TMCO6: variants seen among roughly 807,000 people sequenced by gnomAD.
TMCO6 encodes transmembrane and coiled-coil domains 6.
A neutral mutation model predicts 61.8 loss-of-function variants in TMCO6; 47 were observed. The ratio of observed to expected loss-of-function variants is 0.76; its 90% CI spans 0.60 to 0.97. The LOEUF is 0.97. Ranked by LOEUF, TMCO6 falls within the 50% of genes least tolerant of loss-of-function variation. The pLI is 0.00. For missense variants in TMCO6, 557 were observed against 601.6 expected (o/e 0.93, Z 0.78); for synonymous variants, 261 against 254.2 (o/e 1.03, Z -0.25).
In TMCO6 at chr5:140,644,624, C is replaced by A. The variant is rs759714145; in HGVS notation, c.1252C>A (p.Arg418=). ...VAEKGPAYCQ[R]LWPGPLLPAL... ...AGAAAAGGGTCCTGCTTACTGCCAG[C>A]GGCTGTGGCCAGGGCCCCTGCTTCC... The change falls in exon 11 of 12, where the codon CGG becomes AGG. Residue 418 remains arginine, a synonymous_variant. Coordinates refer to ENST00000394671, the MANE Select transcript of TMCO6 (RefSeq NM_018502.5). 6.2e-7 allele frequency: 1 copy of A among 1,614,254 alleles called. No homozygotes were observed. Among genetic ancestry groups the A allele is most frequent in the Admixed American group, 1.7e-5 (1 of 60,022 alleles).
rs1338166512 is a variant in TMCO6 at position 140,641,991 on chromosome 5, G to A, written c.436G>A (p.Ala146Thr). 6.2e-7 allele frequency: 1 copy of A among 1,613,384 alleles called. No individual in the cohort carries two copies. The highest frequency in any genetic ancestry group is 8.5e-7 in the Non-Finnish European group (1 of 1,179,442). ...SHSEQSTVAE[A>T]CLPATSYLLT... Reference sequence around the variant, plus strand: ...CTCCGAGCAGTCCACTGTTGCTGAGGCCTGCCTGCCAGCCACTTCTTACCT... The same window carrying A: ...CTCCGAGCAGTCCACTGTTGCTGAGACCTGCCTGCCAGCCACTTCTTACCT... The change falls in exon 4 of 12, where the codon GCC becomes ACC. Residue 146 changes from alanine to threonine, a missense_variant. Transcript: ENST00000394671.
chr5:140,646,520 C>T (rs186833601), downstream of TMCO6, among the ~76,000 whole-genome samples: 15 of 151,078 alleles, frequency 9.9e-5, no homozygotes, highest in East Asian at 2.5e-3. Flanking sequence ...GGTCACTCTC[C>T]TCCACCTCCT....
At chr5:140,609,271 G>A in the TMCO6 span, 12 of 175,510 alleles carry the variant, frequency 6.8e-5, no homozygotes. Flanking sequence ...AGTTGCTTGA[G>A]GTTTCTAAGG....
At chr5:140,619,992 AC>A in the TMCO6 span, among the ~76,000 whole-genome samples, 2 of 152,214 alleles carry the variant, frequency 1.3e-5, no homozygotes, top group Non-Finnish European at 2.9e-5. Flanking sequence ...GCCGTTTCTT[AC>A]AAAACTGATC....
At chr5:140,624,714 G>A in the TMCO6 span, among the ~76,000 whole-genome samples, 1 of 151,168 alleles carries the variant, frequency 6.6e-6, no homozygotes, top group East Asian at 2.0e-4. Context: ...TTTCAGTAGA[G>A]ACAGGGTTTT....
chr5:140,600,704 C>A, the TMCO6 span, among the ~76,000 whole-genome samples: 1 of 152,028 alleles, frequency 6.6e-6, no homozygotes, highest in Non-Finnish European at 1.5e-5. Context: ...ACCTCATGAT[C>A]CACCTGCCTC....
chr5:140,631,875 C>A, the TMCO6 span: 11 of 1,571,512 alleles, frequency 7.0e-6, no homozygotes, highest in Non-Finnish European at 9.5e-6. Context: ...GCCCCGGGCC[C>A]CTTGGAGCAG....
At chr5:140,639,994 C>A in intron 2 of TMCO6, 143 bp downstream of exon 2, 1 of 674,014 alleles carries the variant, frequency 1.5e-6, no homozygotes, top group Non-Finnish European at 2.6e-6. Context: ...ACAGGGGAAT[C>A]ATCCTGCACA....
chr5:140,643,613 G>A lies in TMCO6; in HGVS notation c.856G>A (p.Gly286Arg). The change falls in exon 8 of 12, where the codon GGG becomes AGG. Residue 286 changes from glycine (G) to arginine (R), a missense_variant. By Grantham distance (125) the Gly-to-Arg change is moderately radical (BLOSUM62 -2). Coordinates refer to ENST00000394671, the MANE Select transcript of TMCO6 (RefSeq NM_018502.5). ...TGGCCATGGGGCTCTGTCTACTCTGGGGTTGCTGCTGTTGGACTTGGCTGG... is the reference window on the plus strand; with the variant it reads ...TGGCCATGGGGCTCTGTCTACTCTGAGGTTGCTGCTGTTGGACTTGGCTGG... ...LIGHGALSTL[G>R]LLLLDLAGAV... 5 of 1,614,084 alleles carry A rather than the reference G, an allele frequency of 3.1e-6. No homozygotes were observed. Among genetic ancestry groups the A allele is most frequent in the Non-Finnish European group, 4.2e-6 (5 of 1,180,014 alleles).
At chr5:140,624,556 CTCTA>C in the TMCO6 span, among the ~76,000 whole-genome samples, 3 of 152,092 alleles carry the variant, frequency 2.0e-5, no homozygotes, top group African/African-American at 7.2e-5. Flanking sequence ...ATCTTTGTGT[CTCTA>C]TCTATCATCA....
chr5:140,613,129 G>A, the TMCO6 span, among the ~76,000 whole-genome samples: 1 of 152,162 alleles, frequency 6.6e-6, no homozygotes, highest in East Asian at 1.9e-4. Context: ...GGTGGCTCAT[G>A]CCTGTAATCC....
the TMCO6 span, chr5:140,632,003 G>A: frequency 6.2e-7 from 1 of 1,614,074 alleles, no homozygotes; most frequent in Non-Finnish European, 8.5e-7. This position sits in a 1 kb window ranked among gnomAD's most constrained non-coding sequence, Gnocchi z 6.2. Flanking sequence ...AGGGATTCCC[G>A]TCCAGTGTCA....
chr5:140,609,247 G>A, the TMCO6 span: 1 of 164,076 alleles, frequency 6.1e-6, no homozygotes, highest in African/African-American at 2.4e-5. Flanking sequence ...CCCCAAACGA[G>A]CGGCATGCCA....
At chr5:140,631,728 G>A in the TMCO6 span, 1 of 869,528 alleles carries the variant, frequency 1.2e-6, no homozygotes. Flanking sequence ...GAATGACACG[G>A]ACCCGTTGTT....
chr5:140,644,247 C>T, intron 10 of TMCO6, 53 bp downstream of exon 10: 1 of 1,569,812 alleles, frequency 6.4e-7, no homozygotes, highest in Non-Finnish European at 8.8e-7. Context: ...TTGTATGGGA[C>T]AGCAGTCCTG....
chr5:140,632,355 C>A, the TMCO6 span: 2 of 1,614,154 alleles, frequency 1.2e-6, no homozygotes, highest in African/African-American at 2.7e-5. The surrounding 1 kb of genome is among the most constrained non-coding windows in gnomAD (Gnocchi z 6.2). Flanking sequence ...CATCAGTCCG[C>A]GTTCGCCCAG....
At position 140,644,147 on chromosome 5, in the gene TMCO6, G is replaced by A. The variant is rs1170177242; in HGVS notation, c.1153G>A (p.Glu385Lys). ...CTSLLSLDLI[E>K]PLLQLLPVSN... ...CTCCTTGCTCTCCCTGGATCTGATT[G>A]AGCCTCTCTTACAGCTGTTGCCAGT... The change falls in exon 10 of 12, where the codon GAG (glutamate) becomes AAG (lysine). Residue 385 changes from glutamate to lysine, a missense_variant. Physicochemically the swap from Glu to Lys is moderately conservative, Grantham distance 56. Coordinates refer to ENST00000394671, the MANE Select transcript of TMCO6 (RefSeq NM_018502.5). 1 of 1,614,196 alleles carries A rather than the reference G, an allele frequency of 6.2e-7. No individual in the cohort carries two copies. Among genetic ancestry groups the A allele is most frequent in the South Asian group, 1.1e-5 (1 of 91,086 alleles).
chr5:140,645,592 C>CT (rs2149800796), downstream of TMCO6: 1 of 1,614,156 alleles, frequency 6.2e-7, no homozygotes, highest in Non-Finnish European at 8.5e-7. Context: ...AGGCTTCAGG[C>CT]TTTACCACTT....
the TMCO6 span, among the ~76,000 whole-genome samples, chr5:140,615,166 A>C: frequency 6.6e-6 from 1 of 152,218 alleles, no homozygotes; most frequent in Admixed American, 6.5e-5. Context: ...AACAATCTGA[A>C]AAGGATATTA....
Sources: allele counts gnomAD v4.1 joint callset (sites outside exome capture counted in the v4.1 genomes callset), GRCh38; gene constraint gnomAD v4.1.1; non-coding constraint Gnocchi (gnomAD v3.1); transcripts MANE v1.5; gene names NCBI Gene and HGNC (gene_info 2026-07-23, HGNC 2026-07-21).